The following IMPG1 variants were observed in gnomAD, a reference collection of about 807,000 sequenced individuals.
IMPG1 encodes the protein interphotoreceptor matrix proteoglycan 1.
A neutral mutation model predicts 92.0 loss-of-function variants in IMPG1; 85 were observed. The observed-to-expected ratio is 0.92, with a 90% CI of 0.78 to 1.11. The LOEUF is 1.11. IMPG1 is among the 50% of genes least tolerant of loss of function. IMPG1 has a pLI of 0.00. For synonymous variants in IMPG1, 367 were observed against 334.1 expected, an observed-to-expected ratio of 1.10 and a Z score of -1.08; for missense variants, 1,022 against 956.0, an observed-to-expected ratio of 1.07 and a Z score of -0.91.
chr6:76,068,278 C>G (rs143136427), intron 1 of IMPG1, among the ~76,000 whole-genome samples: 2 of 152,146 alleles, frequency 1.3e-5, no homozygotes, highest in African/African-American at 4.8e-5. Context: ...TGATCTTATA[C>G]GTAGAAAATC....
At chr6:76,011,340 G>T in intron 7 of IMPG1, 116 bp from the exon 8 acceptor site, 1 of 485,208 alleles carries the variant, frequency 2.1e-6, no homozygotes, top group Non-Finnish European at 3.7e-6. Flanking sequence ...AATGGAAAAT[G>T]ATTATTTTTT....
Position 75,931,007 on chromosome 6 carries a change from C to G in IMPG1, c.2189G>C (p.Cys730Ser), listed in dbSNP as rs757420861. ...CTCGCATTCCTTTGTGCCAGGGCCACAGAGGCCTGGTTCCAGACCGTCCAG... is the reference window on the plus strand; with the variant it reads ...CTCGCATTCCTTTGTGCCAGGGCCAGAGAGGCCTGGTTCCAGACCGTCCAG... ...GSLDGLEPGL[C>S]GPGTKECEVL... The change falls in exon 15 of 17, where the codon TGT becomes TCT. Residue 730 changes from cysteine to serine, a missense_variant. Cys to Ser is a moderately radical substitution (Grantham distance 112). Around this residue, in one of 3 missense-constraint regions of IMPG1, gnomAD observed 332 missense variants for 346.2 expected, o/e 0.96. Transcript: ENST00000369950. 4 of 1,614,122 alleles carry G rather than the reference C, an allele frequency of 2.5e-6. No individual in the cohort carries two copies. In the African/African-American group the frequency reaches 5.3e-5, roughly 22 times the overall value.
chr6:76,027,836 T>G (rs1197192161), intron 4 of IMPG1, among the ~76,000 whole-genome samples: 1 of 152,240 alleles, frequency 6.6e-6, no homozygotes, highest in Non-Finnish European at 1.5e-5. Context: ...ATAAATAATT[T>G]ATGGCTATCT....
At chr6:76,050,827 A>G (rs1784028216) in intron 1 of IMPG1, among the ~76,000 whole-genome samples, 1 of 152,200 alleles carries the variant, frequency 6.6e-6, no homozygotes, top group Non-Finnish European at 1.5e-5. Context: ...AGGCATACAG[A>G]GGCTTACTGT....
Position 76,005,433 on chromosome 6 carries a change from A to G in IMPG1, c.989T>C (p.Ile330Thr), listed in dbSNP as rs1783078673. 1 of 1,613,880 alleles carries G rather than the reference A, an allele frequency of 6.2e-7. No individual in the cohort carries two copies. Among genetic ancestry groups the G allele is most frequent in the African/African-American group, 1.3e-5 (1 of 74,972 alleles). The change falls in exon 10 of 17, where the codon ATT (isoleucine) becomes ACT (threonine). Residue 330 changes from isoleucine to threonine, a missense_variant. Coordinates refer to ENST00000369950, the MANE Select transcript of IMPG1 (RefSeq NM_001563.4). ...TCCATGATAGACTTCCTCACTTTCA[A>G]TTTTGTTGGAATCAAAAGACAGGAG... is the stretch of plus-strand genomic sequence containing the variant. ...SDLLSFDSNK[I>T]ESEEVYHGTM...
chr6:76,071,157 CAT>C (rs1289566755), intron 1 of IMPG1, among the ~76,000 whole-genome samples: 1 of 147,544 alleles, frequency 6.8e-6, no homozygotes, highest in Non-Finnish European at 1.5e-5. Context: ...AATTATATGA[CAT>C]ATAATTGTTA....
chr6:76,055,550 CAG>C (rs1784107109), intron 1 of IMPG1, among the ~76,000 whole-genome samples: 1 of 150,844 alleles, frequency 6.6e-6, no homozygotes, highest in African/African-American at 2.4e-5. Context: ...ACAAAGATAA[CAG>C]AGAGTAATAA....
intron 13 of IMPG1, among the ~76,000 whole-genome samples, chr6:75,949,843 T>C (rs1390917745): frequency 6.6e-6 from 1 of 152,188 alleles, no homozygotes; most frequent in Non-Finnish European, 1.5e-5. Context: ...TTAACTTATA[T>C]GAAGTATAAA....
intron 1 of IMPG1, among the ~76,000 whole-genome samples, chr6:76,055,526 G>T (rs533433171): frequency 1.6e-5 from 2 of 127,180 alleles, no homozygotes; most frequent in East Asian, 4.9e-4. Context: ...TAAAACCAAA[G>T]AAAATTAGAA....
intron 1 of IMPG1, among the ~76,000 whole-genome samples, chr6:76,064,815 C>T (rs1303687163): frequency 1.3e-5 from 2 of 152,144 alleles, no homozygotes; most frequent in Non-Finnish European, 1.5e-5. Flanking sequence ...GTACTACCTG[C>T]TGGCCTGGAG....
Position 75,922,020 on chromosome 6 carries a change from C to T in IMPG1, c.*69G>A, listed in dbSNP as rs1781438549. 2 of 736,022 alleles carry T rather than the reference C, an allele frequency of 2.7e-6. No individual in the cohort carries two copies. Among genetic ancestry groups the T allele is most frequent in the Non-Finnish European group, 4.9e-6 (2 of 411,870 alleles). The allele number at this position is 736,022 out of a possible 1,614,324, so 45.6% of individuals were successfully genotyped here. ...TGATGACCCATGAATATGCCTGTCT[C>T]CATTTTCCTTGAGAAGGCAAATCAT... On this transcript the variant is annotated 3_prime_UTR_variant, in exon 17 of 17. Transcript: ENST00000369950.
rs190843367 is a variant in IMPG1, at chr6:75,999,555, G to A, written c.1291+3363C>T. On this transcript the variant is annotated intron_variant, in intron 12 of 16. Coordinates refer to ENST00000369950, the MANE Select transcript of IMPG1 (RefSeq NM_001563.4). The stretch of plus-strand genomic sequence containing the variant: ...GCTTGCTCTTGTCCAGAGTGCCCCT[G>A]CACTTTTTTTTTGTTTGTTTGTTTT... Among the ~76,000 whole-genome samples the A allele has an allele frequency of 3.2e-4, 48 of 152,208 alleles. No homozygotes were observed. The East Asian group carries it at 6.7e-3, about 21-fold the overall frequency.
intron 4 of IMPG1, among the ~76,000 whole-genome samples, chr6:76,029,917 A>G (rs1285741126): frequency 1.3e-5 from 2 of 152,138 alleles, no homozygotes; most frequent in African/African-American, 4.8e-5. Flanking sequence ...TAAGGAGTCC[A>G]TGTAACCCCC....
At chr6:75,990,596 C>CACACACACAA (rs1485334425) in intron 12 of IMPG1, among the ~76,000 whole-genome samples, 1 of 150,184 alleles carries the variant, frequency 6.7e-6, no homozygotes. Flanking sequence ...TCTACACACA[C>CACACACACAA]ACACACACAC....
chr6:75,933,862 T>C (rs1781699552), intron 14 of IMPG1, among the ~76,000 whole-genome samples: 1 of 152,236 alleles, frequency 6.6e-6, no homozygotes, highest in Non-Finnish European at 1.5e-5. Flanking sequence ...TCTTCAATAA[T>C]ATTCACAGCA....
intron 1 of IMPG1, among the ~76,000 whole-genome samples, chr6:76,067,381 A>C (rs1327241406): frequency 2.6e-5 from 4 of 152,116 alleles, no homozygotes; most frequent in Non-Finnish European, 5.9e-5. Context: ...CAGAAATACA[A>C]AAGATCATCA....
rs574009846 is a variant in IMPG1, at chr6:76,010,577, G to A, written c.866+589C>T. The stretch of plus-strand genomic sequence containing the variant: ...TTTTTTTATTTAAAATTTTAATTTA[G>A]TAATTTTTGAGTGGTAATAGATTAC... On this transcript the variant is annotated intron_variant, in intron 8 of 16. Coordinates refer to ENST00000369950, the MANE Select transcript of IMPG1 (RefSeq NM_001563.4). Among the ~76,000 whole-genome samples, 16 of 152,142 alleles carry A rather than the reference G, an allele frequency of 1.1e-4. No individual in the cohort carries two copies. The South Asian group carries it at 3.3e-3, about 32-fold the overall frequency.
In IMPG1 at chr6:76,022,133, T is replaced by A. The variant is rs757396390; in HGVS notation, c.649A>T (p.Thr217Ser). 2 of 1,584,618 alleles carry A rather than the reference T, an allele frequency of 1.3e-6. No homozygotes were observed. The highest frequency in any genetic ancestry group is 2.2e-5 in the South Asian group (2 of 90,494). Residue 217 changes from threonine to serine, a missense_variant, in exon 6 of 17, where the codon ACC (threonine) becomes TCC (serine). Transcript: ENST00000369950. Reference sequence around the variant, plus strand: ...CTTCTTACTGTTGTAGGCATCTTGGTGTCGTTGAGTGTATTATCGAGAATT... The same window carrying A: ...CTTCTTACTGTTGTAGGCATCTTGGAGTCGTTGAGTGTATTATCGAGAATT... ...NEILDNTLND[T>S]KMPTTERETE...
At chr6:76,055,475 C>A (rs1313139185) in intron 1 of IMPG1, among the ~76,000 whole-genome samples, 1 of 151,534 alleles carries the variant, frequency 6.6e-6, no homozygotes, top group Admixed American at 6.6e-5. Context: ...GTATTAATGA[C>A]CTATGCATCC....
Sources: gnomAD v4.1 joint callset for allele counts (sites outside exome capture counted in the v4.1 genomes callset) on GRCh38, gnomAD v4.1.1 for gene constraint, gnomAD v4.1.1 regional missense constraint, MANE v1.5 for transcripts, NCBI Gene and HGNC (gene_info 2026-07-23, HGNC 2026-07-21) for gene names.